The following COL9A3 variants were observed in gnomAD, a reference collection of about 807,000 sequenced individuals.
COL9A3 encodes collagen type IX alpha 3 chain.
Under a neutral mutation model 110.2 loss-of-function variants are expected in COL9A3, and 82 were observed. The observed-to-expected ratio is 0.74, with a 90% CI of 0.62 to 0.89. The LOEUF (loss-of-function observed/expected upper bound fraction) is 0.89, where lower values mean the gene tolerates loss of function less well. Among genes scored for constraint, COL9A3 ranks in the 40% least tolerant of loss-of-function variants. COL9A3 has a pLI of 0.00. For missense variants in COL9A3, 1,066 were observed against 981.3 expected, an observed-to-expected ratio of 1.09 and a Z score of -1.15; for synonymous variants, 494 against 403.8, an observed-to-expected ratio of 1.22 and a Z score of -2.68.
intron 16 of COL9A3, among the ~76,000 whole-genome samples, 193 bp from the exon 17 acceptor site, chr20:62,827,730 G>C (rs1260122276): frequency 6.6e-6 from 1 of 152,216 alleles, no homozygotes; most frequent in African/African-American, 2.4e-5. Context: ...GGGAGCCGCC[G>C]TGCCGTCCTG....
rs1040481737 is a variant in COL9A3 at position 62,821,941 on chromosome 20, T to C, written c.423+131T>C. ...CCAACCCCACCTTGGTGGGTGTTGG[T>C]AGAAGCCCTGGCCAATGATCCAGAC... On this transcript the variant is annotated intron_variant, in intron 8 of 31. Transcript: ENST00000649368. 1.6e-5 allele frequency: 12 copies of C among 752,194 alleles called. No homozygotes were observed. In the African/African-American group the frequency reaches 2.1e-4, roughly 13 times the overall value. The allele number at this position is 752,194 out of a possible 1,614,324, so 46.6% of individuals were successfully genotyped here.
At position 62,822,446 on chromosome 20, in the gene COL9A3, G is replaced by A. The variant is rs544390506; in HGVS notation, c.478-145G>A. On this transcript the variant is annotated intron_variant, in intron 9 of 31. Coordinates refer to ENST00000649368, the MANE Select transcript of COL9A3 (RefSeq NM_001853.4). ...GGTGGGCCAGCAGCTCCCAGCACTG[G>A]CCACTTGGGGGACAGGATGAAGGGT... 1.9e-4 allele frequency: 169 copies of A among 885,640 alleles called. 5 individuals carry two copies. In the South Asian group the frequency reaches 2.3e-3, roughly 12 times the overall value. 54.9% of individuals were successfully genotyped at this position (885,640 alleles called of 1,614,324 possible). A position where few individuals can be genotyped will look rare whatever the true frequency, so the allele number is the denominator to read the frequency against.
chr20:62,818,111 C>A (rs1990995856), intron 2 of COL9A3, among the ~76,000 whole-genome samples: 1 of 152,148 alleles, frequency 6.6e-6, no homozygotes, highest in Admixed American at 6.5e-5. Context: ...GGCTGAAATT[C>A]TACAATTGTG....
Position 62,838,705 on chromosome 20 carries a change from A to G in COL9A3, c.1808A>G (p.Asp603Gly), listed in dbSNP as rs1316036531. Residue 603 changes from aspartate to glycine, a missense_variant, in exon 31 of 32, where the codon GAC becomes GGC. Coordinates refer to ENST00000649368, the MANE Select transcript of COL9A3 (RefSeq NM_001853.4). ...ACAGGAAACCAGGGTGACAGAGGAG[A>G]CAAAGGCGCGGCAGGAGCAGGGCTG... ...GPRGNQGDRG[D>G]KGAAGAGLDG... is the part of the protein sequence containing the mutation. 6.4e-7 allele frequency: 1 copy of G among 1,552,838 alleles called. No individual in the cohort carries two copies. Among genetic ancestry groups the G allele is most frequent in the South Asian group, 1.2e-5 (1 of 84,102 alleles).
chr20:62,839,464 G>A (rs1016616858), intron 31 of COL9A3, among the ~76,000 whole-genome samples: 1 of 152,184 alleles, frequency 6.6e-6, no homozygotes, highest in African/African-American at 2.4e-5. Flanking sequence ...TCCCCTGCCC[G>A]CCCCTGTCTT....
intron 27 of COL9A3, 42 bp from the exon 28 acceptor site, chr20:62,836,137 TCTGGGCTC>T (rs1489964720): frequency 5.0e-6 from 8 of 1,604,348 alleles, no homozygotes; most frequent in Non-Finnish European, 6.8e-6. Context: ...TCGGGGTGGC[TCTGGGCTC>T]CTGGGCTCGC....
chr20:62,819,167 C>A, intron 3 of COL9A3, 55 bp from the exon 4 acceptor site: 1 of 1,551,804 alleles, frequency 6.4e-7, no homozygotes, highest in Non-Finnish European at 8.9e-7. Flanking sequence ...TTGCTGAAGG[C>A]CTGGGCTCCA....
intron 15 of COL9A3, 32 bp downstream of exon 15, chr20:62,826,852 C>T: frequency 6.2e-7 from 1 of 1,609,480 alleles, no homozygotes; most frequent in Non-Finnish European, 8.5e-7. Context: ...GGGCGCCATG[C>T]CTCGTGACCT....
intron 11 of COL9A3, 63 bp from the exon 12 acceptor site, chr20:62,824,905 G>C (rs2063538163): frequency 5.3e-6 from 8 of 1,519,412 alleles, no homozygotes; most frequent in Non-Finnish European, 7.2e-6. Context: ...CCTCACTTCA[G>C]TGTTGCCAGG....
At chr20:62,830,451 G>A (rs748195896) in intron 23 of COL9A3, 38 bp downstream of exon 23, 21 of 1,571,274 alleles carry the variant, frequency 1.3e-5, no homozygotes, top group Middle Eastern at 1.7e-4. Flanking sequence ...CATGGGGGGC[G>A]GCACACCCAG....
rs2063608769 is a variant in COL9A3, at chr20:62,833,031, T to C, written c.1335T>C (p.Gly445=). The part of the protein sequence containing the change: ...AGPKGDQGIA[G]SDGLPGDKGE... ...TGTATCGTTTTCAGGGTATTGCAGG[T>C]TCCGACGGTCTTCCTGGGGATAAAG... Residue 445 remains glycine (G), a synonymous_variant, in exon 26 of 32, where the codon GGT becomes GGC. Coordinates refer to ENST00000649368, the MANE Select transcript of COL9A3 (RefSeq NM_001853.4). The C allele has an allele frequency of 6.2e-7, 1 of 1,613,798 alleles. No individual in the cohort carries two copies. The highest frequency in any genetic ancestry group is 1.3e-5 in the African/African-American group (1 of 74,920).
intron 11 of COL9A3, 123 bp from the exon 12 acceptor site, chr20:62,824,845 G>C (rs530756642): frequency 5.7e-6 from 6 of 1,058,000 alleles, no homozygotes; most frequent in Middle Eastern, 2.6e-4. Flanking sequence ...CCAGACCCGC[G>C]GTCCTGTGCG....
At chr20:62,817,539 G>T (rs779120355) in intron 1 of COL9A3, 28 bp from the exon 2 acceptor site, 28 of 1,502,732 alleles carry the variant, frequency 1.9e-5, no homozygotes, top group Non-Finnish European at 2.4e-5. Flanking sequence ...GGGCACCTGC[G>T]CTCCTTAATG....
rs745914662 is a variant in COL9A3 at position 62,817,585 on chromosome 20, C to T, written c.97C>T (p.Pro33Ser). 1.8e-5 allele frequency: 27 copies of T among 1,540,522 alleles called. No individual in the cohort carries two copies. The highest frequency in any genetic ancestry group is 5.9e-5 in the Admixed American group (3 of 50,764). Residue 33 changes from proline to serine, a missense_variant, in exon 2 of 32, where the codon CCC becomes TCC. Transcript: ENST00000649368. Reference protein sequence around the residue: ...AGAQRVGLPGPPGPPGPPGKP... With the variant: ...AGAQRVGLPGSPGPPGPPGKP... Reference sequence around the variant, plus strand: ...GTTTCAGAGAGTGGGACTCCCCGGCCCCCCCGGCCCCCCAGGGCCGCCCGG... The same window carrying T: ...GTTTCAGAGAGTGGGACTCCCCGGCTCCCCCGGCCCCCCAGGGCCGCCCGG...
intron 31 of COL9A3, 121 bp from the exon 32 acceptor site, chr20:62,840,420 TG>T: frequency 1.1e-6 from 1 of 950,246 alleles, no homozygotes; most frequent in Non-Finnish European, 1.7e-6. Context: ...CCACCCGCTG[TG>T]GCCTCTCCCC....
In COL9A3 at chr20:62,825,595, G is replaced by A. The variant is rs967081045; in HGVS notation, c.631-222G>A. On this transcript the variant is annotated intron_variant, in intron 12 of 31. Transcript: ENST00000649368. Reference sequence around the variant, plus strand: ...TGGACAGGGCTGAAGGGCCTTGTGGGAACAGTGACCACGGACCCCGGCCCG... The same window carrying A: ...TGGACAGGGCTGAAGGGCCTTGTGGAAACAGTGACCACGGACCCCGGCCCG... 21 of 619,980 alleles carry A rather than the reference G, an allele frequency of 3.4e-5. 1 individual carries two copies. The Admixed American group carries it at 5.4e-4, about 16-fold the overall frequency. 38.4% of individuals were successfully genotyped at this position (619,980 alleles called of 1,614,324 possible).
intron 10 of COL9A3, among the ~76,000 whole-genome samples, chr20:62,823,064 C>T (rs999346652): frequency 2.0e-5 from 3 of 152,246 alleles, no homozygotes; most frequent in African/African-American, 7.2e-5. Context: ...AGGTCAGGCG[C>T]AGTGGCTCAG....
chr20:62,840,140 T>C (rs2063664991), intron 31 of COL9A3, among the ~76,000 whole-genome samples: 2 of 151,914 alleles, frequency 1.3e-5, no homozygotes, highest in South Asian at 4.2e-4. Flanking sequence ...CTTAGGCGGC[T>C]GACTCCCTCT....
chr20:62,817,225 C>T (rs1271536279), intron 1 of COL9A3, 83 bp downstream of exon 1: 14 of 1,061,238 alleles, frequency 1.3e-5, no homozygotes, highest in Non-Finnish European at 1.2e-6. Context: ...GGGTGCCCGG[C>T]GCAGCCTCGA....
Sources: gnomAD v4.1 joint callset for allele counts (sites outside exome capture counted in the v4.1 genomes callset) on GRCh38, gnomAD v4.1.1 for gene constraint, MANE v1.5 for transcripts, NCBI Gene and HGNC (gene_info 2026-07-23, HGNC 2026-07-21) for gene names.